Variants in EGLN2 observed in about 807,000 individuals in gnomAD.
EGLN2 encodes egl-9 family hypoxia inducible factor 2, also known as prolyl hydroxylase EGLN2.
EGLN2 carries 15 observed loss-of-function variants against 38.2 expected under a neutral mutation model. That is an observed-to-expected ratio of 0.39 (90% CI 0.26 to 0.60). EGLN2 has a LOEUF of 0.60. Ranked by LOEUF, EGLN2 falls within the 20% of genes least tolerant of loss-of-function variation. EGLN2 has a pLI of 0.50. For missense variants in EGLN2, 492 were observed against 570.4 expected, an observed-to-expected ratio of 0.86 and a Z score of 1.40; for synonymous variants, 284 against 237.4, an observed-to-expected ratio of 1.20 and a Z score of -1.81.
At chr19:40,805,594 T>C (rs1599762266) in intron 2 of EGLN2, 1 of 152,238 alleles carries the variant, frequency 6.6e-6, no homozygotes, top group Admixed American at 6.5e-5. Context: ...TCTGCAGAAG[T>C]GGCTGGGCCA....
intron 1 of EGLN2, chr19:40,799,900 A>ACCCCCCCCCCCCCCCCCCTACC (rs1031134784): frequency 1.2e-5 from 1 of 80,876 alleles, no homozygotes; most frequent in African/African-American, 4.4e-5. Context: ...CTGTCTTTTG[A>ACCCCCCCCCCCCCCCCCCTACC]CCCCCCCGCC....
intron 2 of EGLN2, among the ~76,000 whole-genome samples, chr19:40,802,832 G>T (rs549936414): frequency 7.9e-5 from 12 of 152,404 alleles, no homozygotes; most frequent in Middle Eastern, 3.4e-3. Context: ...GGCACGGGCA[G>T]TGTTGTGCCC....
rs761345477 is a variant in EGLN2 at position 40,801,253 on chromosome 19, G to A, written c.681G>A (p.Gln227=). 3 of 1,612,920 alleles carry A rather than the reference G, an allele frequency of 1.9e-6. No individual in the cohort carries two copies. The highest frequency in any genetic ancestry group is 2.5e-6 in the Non-Finnish European group (3 of 1,179,974). Residue 227 remains glutamine, a synonymous_variant, in exon 2 of 6, where the codon CAG becomes CAA. Coordinates refer to ENST00000303961, the MANE Select transcript of EGLN2 (RefSeq NM_080732.4). ...GRLRDGQLVS[Q]RAIPPRSIRG... ...TGCGAGACGGGCAGCTAGTGAGCCA[G>A]AGGGCGATCCCGCCGCGCAGCATCC...
Position 40,800,987 on chromosome 19 carries a change from C to A in EGLN2, c.415C>A (p.Gln139Lys). ...ACCCAGCAAACGGCCCTGGGCCAGGCAAGAGAACCAGGAGGCAGAGCGGGA... is the reference window on the plus strand; with the variant it reads ...ACCCAGCAAACGGCCCTGGGCCAGGAAAGAGAACCAGGAGGCAGAGCGGGA... Reference protein sequence around the residue: ...PSPSKRPWARQENQEAEREGG... With the variant: ...PSPSKRPWARKENQEAEREGG... The change falls in exon 2 of 6, where the codon CAA becomes AAA. Residue 139 changes from glutamine (Q) to lysine (K), a missense_variant. Transcript: ENST00000303961. 1.2e-6 allele frequency: 2 copies of A among 1,612,686 alleles called. No individual in the cohort carries two copies. The highest frequency in any genetic ancestry group is 1.7e-6 in the Non-Finnish European group (2 of 1,179,622).
At position 40,800,699 on chromosome 19, in the gene EGLN2, C is replaced by T. The variant is rs763296530; in HGVS notation, c.127C>T (p.Pro43Ser). The T allele has an allele frequency of 8.7e-6, 14 of 1,613,940 alleles. No homozygotes were observed. The highest frequency in any genetic ancestry group is 1.7e-5 in the Admixed American group (1 of 60,006). The part of the protein sequence containing the change: ...RMGVESYLPC[P>S]LLPSYHCPGV... The stretch of plus-strand genomic sequence containing the variant: ...GGGAGTGGAGAGTTACCTGCCCTGT[C>T]CCCTGCTCCCCTCCTACCACTGTCC... The change falls in exon 2 of 6, where the codon CCC becomes TCC. Residue 43 changes from proline to serine, a missense_variant. Physicochemically the swap from Pro to Ser is moderately conservative, Grantham distance 74 (BLOSUM62 -1). Coordinates refer to ENST00000303961, the MANE Select transcript of EGLN2 (RefSeq NM_080732.4).
intron 3 of EGLN2, chr19:40,806,927 A>G (rs1203295631): frequency 1.1e-6 from 1 of 952,144 alleles, no homozygotes; most frequent in African/African-American, 1.7e-5. Flanking sequence ...CGGCCTTGTA[A>G]TGAACACTTT....
intron 5 of EGLN2, 79 bp downstream of exon 5, chr19:40,807,630 C>T (rs1392754899): frequency 2.6e-6 from 4 of 1,523,392 alleles, no homozygotes; most frequent in African/African-American, 1.4e-5. Context: ...CCCTCATCAG[C>T]CTCTTGTTAA....
At chr19:40,806,512 C>T in intron 2 of EGLN2, 43 bp from the exon 3 acceptor site, 1 of 1,609,526 alleles carries the variant, frequency 6.2e-7, no homozygotes, top group Non-Finnish European at 8.5e-7. Context: ...CTAAGATGTG[C>T]CTGCCTAGCC....
chr19:40,805,489 A>G (rs1364747364), intron 2 of EGLN2: 1 of 152,226 alleles, frequency 6.6e-6, no homozygotes, highest in African/African-American at 2.4e-5. Context: ...TGTGAGCTCC[A>G]TTGGATCCAT....
Position 40,800,478 on chromosome 19 carries a change from C to A in EGLN2, c.-95C>A. 2 of 1,450,208 alleles carry A rather than the reference C, an allele frequency of 1.4e-6. No individual in the cohort carries two copies. Among genetic ancestry groups the A allele is most frequent in the South Asian group, 1.4e-5 (1 of 72,188 alleles). 89.8% of individuals were successfully genotyped at this position (1,450,208 alleles called of 1,614,324 possible). On this transcript the variant is annotated 5_prime_UTR_variant, in exon 2 of 6. It adds an upstream start codon to the 5' untranslated region. Transcript: ENST00000303961. The stretch of plus-strand genomic sequence containing the variant: ...CCACGCCAGGCCCGGTGGCCCCCAG[C>A]TGCATCAAGTGGAGGCGGAGGAGGA...
Position 40,800,598 on chromosome 19 carries a change from C to T in EGLN2, c.26C>T (p.Pro9Leu). 3 of 1,610,300 alleles carry T rather than the reference C, an allele frequency of 1.9e-6. No homozygotes were observed. Among genetic ancestry groups the T allele is most frequent in the East Asian group, 2.2e-5 (1 of 44,794 alleles). Residue 9 changes from proline to leucine, a missense_variant, in exon 2 of 6, where the codon CCC becomes CTC. Physicochemically the swap from Pro to Leu is moderately conservative, Grantham distance 98. Transcript: ENST00000303961. MDSPCQPQ[P>L]LSQALPQLPG... ...ATGGACAGCCCGTGCCAGCCGCAGC[C>T]CCTAAGTCAGGCTCTCCCTCAGTTA...
At chr19:40,806,913 C>T (rs1477020802) in intron 3 of EGLN2, 2 of 922,226 alleles carry the variant, frequency 2.2e-6, no homozygotes, top group Admixed American at 5.5e-5. Context: ...TGCCCAGCCC[C>T]ACCCGGCCTT....
chr19:40,806,425 G>A, intron 2 of EGLN2, 130 bp from the exon 3 acceptor site: 1 of 1,493,898 alleles, frequency 6.7e-7, no homozygotes, highest in African/African-American at 1.4e-5. Flanking sequence ...GCAGGAGCTT[G>A]GAACCCTTGA....
In EGLN2 at chr19:40,800,691, T is replaced by C; in HGVS notation, c.119T>C (p.Leu40Pro). The part of the protein sequence containing the change: ...GRARMGVESY[L>P]PCPLLPSYHC... ...GCCAGGATGGGAGTGGAGAGTTACC[T>C]GCCCTGTCCCCTGCTCCCCTCCTAC... Residue 40 changes from leucine (L) to proline (P), a missense_variant, in exon 2 of 6, where the codon CTG (leucine) becomes CCG (proline). Leu to Pro is a moderately conservative substitution (Grantham distance 98). This residue lies in a region of EGLN2 where 378 missense variants were observed against 386.2 expected (regional missense o/e 0.98). Transcript: ENST00000303961. The C allele has an allele frequency of 1.2e-6, 2 of 1,614,048 alleles. No individual in the cohort carries two copies. Among genetic ancestry groups the C allele is most frequent in the Non-Finnish European group, 1.7e-6 (2 of 1,179,998 alleles).
chr19:40,808,317 T>G lies in EGLN2; in HGVS notation c.*453T>G. ...AGTGACTCCCCAACCCCTTTGGCCA[T>G]GGCAGGCACCTTTTGGACTGGGCTG... On this transcript the variant is annotated 3_prime_UTR_variant, in exon 6 of 6. Coordinates refer to ENST00000303961, the MANE Select transcript of EGLN2 (RefSeq NM_080732.4). 2.4e-6 allele frequency: 1 copy of G among 410,104 alleles called. No homozygotes were observed. Among genetic ancestry groups the G allele is most frequent in the African/African-American group, 2.0e-5 (1 of 48,928 alleles). 25.4% of individuals were successfully genotyped at this position (410,104 alleles called of 1,614,324 possible).
rs769451952 is a variant in EGLN2 at position 40,801,256 on chromosome 19, G to A, written c.684G>A (p.Arg228=). The A allele has an allele frequency of 1.4e-5, 22 of 1,612,918 alleles. 1 individual carries two copies. In the South Asian group the frequency reaches 2.3e-4, roughly 17 times the overall value. Residue 228 remains arginine, a synonymous_variant, in exon 2 of 6, where the codon AGG becomes AGA. Transcript: ENST00000303961. ...GAGACGGGCAGCTAGTGAGCCAGAG[G>A]GCGATCCCGCCGCGCAGCATCCGTG... ...RLRDGQLVSQ[R]AIPPRSIRGD...
At chr19:40,806,851 C>T (rs2083306070) in intron 3 of EGLN2, 177 bp downstream of exon 3, 7 of 986,408 alleles carry the variant, frequency 7.1e-6, no homozygotes, top group South Asian at 4.8e-5. Context: ...ACCTCCTCCT[C>T]TCTAGCGGAC....
intron 2 of EGLN2, among the ~76,000 whole-genome samples, chr19:40,801,805 G>A (rs1305683151): frequency 2.6e-5 from 4 of 151,904 alleles, no homozygotes; most frequent in Non-Finnish European, 1.5e-5. Flanking sequence ...CTAGGCAGAG[G>A]ACCCTGCGGC....
Position 40,800,753 on chromosome 19 carries a change from A to G in EGLN2, c.181A>G (p.Ser61Gly), listed in dbSNP as rs1599758141. Residue 61 changes from serine to glycine, a missense_variant, in exon 2 of 6, where the codon AGT becomes GGT. Around this residue, in one of 2 missense-constraint regions of EGLN2, gnomAD observed 378 missense variants for 386.2 expected, o/e 0.98. Coordinates refer to ENST00000303961, the MANE Select transcript of EGLN2 (RefSeq NM_080732.4). ...PGVPSEASAG[S>G]GTPRATATST... is the part of the protein sequence containing the mutation. ...AGTGCCTAGTGAGGCCTCGGCAGGG[A>G]GTGGGACCCCCAGAGCCACAGCCAC... is the stretch of plus-strand genomic sequence containing the variant. 1 of 1,613,536 alleles carries G rather than the reference A, an allele frequency of 6.2e-7. No individual in the cohort carries two copies. The highest frequency in any genetic ancestry group is 8.5e-7 in the Non-Finnish European group (1 of 1,179,750).
Sources: gnomAD v4.1 joint callset for allele counts (sites outside exome capture counted in the v4.1 genomes callset) on GRCh38, gnomAD v4.1.1 for gene constraint, gnomAD v4.1.1 regional missense constraint, MANE v1.5 for transcripts, NCBI Gene and HGNC (gene_info 2026-07-23, HGNC 2026-07-21) for gene names.